Variants in ANKRD28 observed in about 807,000 individuals in gnomAD.
ANKRD28 encodes ankyrin repeat domain 28, also known as serine/threonine-protein phosphatase 6 regulatory ankyrin repeat subunit A.
Under a neutral mutation model 126.5 loss-of-function variants are expected in ANKRD28, and 44 were observed. The observed-to-expected ratio is 0.35, with a 90% CI of 0.27 to 0.45. The LOEUF is 0.45. ANKRD28 is among the 20% of genes least tolerant of loss of function. The probability of loss-of-function intolerance (pLI) is 1.00; values close to 1 mark genes in which losing one functional copy is unlikely to be tolerated. For synonymous variants in ANKRD28, 442 were observed against 468.5 expected (o/e 0.94, Z 0.73); for missense variants, 1,110 against 1,316.6 (o/e 0.84, Z 2.43).
At chr3:15,859,466 A>C (rs62243667) in exon 1 of ANKRD28, 825,942 of 1,425,918 alleles carry the variant, frequency 0.58, 240,749 homozygotes, top group Admixed American at 0.63. Context: ...GCCGCCGCCG[A>C]CCGGCCCACT....
At chr3:15,768,810 A>C (rs1417220948) in intron 2 of ANKRD28, among the ~76,000 whole-genome samples, 3 of 152,346 alleles carry the variant, frequency 2.0e-5, no homozygotes, top group African/African-American at 7.2e-5. Flanking sequence ...CAATAATGTT[A>C]AATTGTTCAG....
intron 1 of ANKRD28, among the ~76,000 whole-genome samples, chr3:15,821,336 T>C (rs1401022979): frequency 6.6e-6 from 1 of 152,230 alleles, no homozygotes; most frequent in East Asian, 1.9e-4. Flanking sequence ...ATGGTATTTT[T>C]CTCTATGTTA....
At chr3:15,831,250 T>C (rs1242788551) in intron 1 of ANKRD28, among the ~76,000 whole-genome samples, 1 of 152,192 alleles carries the variant, frequency 6.6e-6, no homozygotes, top group Non-Finnish European at 1.5e-5. Flanking sequence ...CCTGAGTATA[T>C]ATAACAAAAG....
rs2060849557 is a variant in ANKRD28, at chr3:15,817,192, A to G, written c.28-21886T>C. 6.6e-6 allele frequency among the ~76,000 whole-genome samples: 1 copy of G among 152,194 alleles called. No homozygotes were observed. Among genetic ancestry groups the G allele is most frequent in the Admixed American group, 6.5e-5 (1 of 15,276 alleles). ...TCTACGATTTTCCTTAACATGTAAC[A>G]GTGATGAACAATTTCTCACGCACAA... On this transcript the variant is annotated intron_variant, in intron 1 of 27. Coordinates refer to the ANKRD28 transcript ENST00000399451. This position sits in a 1 kb window ranked among gnomAD's most constrained non-coding sequence, Gnocchi z 4.5.
At position 15,817,716 on chromosome 3, in the gene ANKRD28, G is replaced by A. The variant is rs960708352; in HGVS notation, c.28-22410C>T. On this transcript the variant is annotated intron_variant, in intron 1 of 27. Coordinates refer to the ANKRD28 transcript ENST00000399451. This position sits in a 1 kb window ranked among gnomAD's most constrained non-coding sequence, Gnocchi z 4.5. ...GAAACCACTAATTTCTTCCTAAGAT[G>A]AGATACAAGCAAGAATGCCTGCTCT... Among the ~76,000 whole-genome samples the A allele has an allele frequency of 2.0e-5, 3 of 152,252 alleles. No individual in the cohort carries two copies. The highest frequency in any genetic ancestry group is 4.1e-4 in the South Asian group (2 of 4,822).
chr3:15,740,143 T>C (rs1331283328), intron 4 of ANKRD28, among the ~76,000 whole-genome samples: 1 of 152,226 alleles, frequency 6.6e-6, no homozygotes, highest in African/African-American at 2.4e-5. Flanking sequence ...CAAGAATACA[T>C]ATTGTATGAT....
chr3:15,713,460 GA>G, intron 10 of ANKRD28, 66 bp downstream of exon 10: 1 of 1,223,258 alleles, frequency 8.2e-7, no homozygotes, highest in Non-Finnish European at 1.2e-6. Context: ...GAAATGTCTA[GA>G]AAACTGCAGT....
At chr3:15,739,798 G>GCA (rs1470009101) in intron 4 of ANKRD28, among the ~76,000 whole-genome samples, 1 of 152,184 alleles carries the variant, frequency 6.6e-6, no homozygotes, top group Non-Finnish European at 1.5e-5. Flanking sequence ...ATGGGAAATA[G>GCA]CACCAGTACT....
chr3:15,746,415 T>C (rs1474921698), intron 4 of ANKRD28, among the ~76,000 whole-genome samples: 1 of 152,226 alleles, frequency 6.6e-6, no homozygotes, highest in Non-Finnish European at 1.5e-5. Flanking sequence ...GTTTTAATCA[T>C]AAAAGGATGC....
chr3:15,714,595 T>G lies in ANKRD28; in HGVS notation c.1058A>C (p.Gln353Pro). 6.3e-7 allele frequency: 1 copy of G among 1,595,286 alleles called. No homozygotes were observed. Among genetic ancestry groups the G allele is most frequent in the Non-Finnish European group, 8.5e-7 (1 of 1,174,348 alleles). ...TALHGRFSRS[Q>P]TIIQSGAVID... Reference sequence around the variant, plus strand: ...CTTTTTACCACTCTGGATAATGGTTTGTGATCGGGAGAATCTACCGTGGAG... The same window carrying G: ...CTTTTTACCACTCTGGATAATGGTTGGTGATCGGGAGAATCTACCGTGGAG... Residue 353 changes from glutamine to proline, a missense_variant, in exon 9 of 28, where the codon CAA becomes CCA. Gln to Pro is a moderately conservative substitution (Grantham distance 76, BLOSUM62 -1). Coordinates refer to ENST00000683139, the MANE Select transcript of ANKRD28 (RefSeq NM_001349278.2).
At chr3:15,782,618 G>A (rs73817113) in intron 2 of ANKRD28, among the ~76,000 whole-genome samples, 2 of 152,178 alleles carry the variant, frequency 1.3e-5, no homozygotes, top group African/African-American at 4.8e-5. Flanking sequence ...CATACTGAGT[G>A]TTCAGGGAAA....
chr3:15,775,865 A>G (rs1329765103), intron 2 of ANKRD28, among the ~76,000 whole-genome samples: 3 of 152,184 alleles, frequency 2.0e-5, no homozygotes, highest in African/African-American at 2.4e-5. Context: ...GACTGATTAA[A>G]TAACTGGCTA....
chr3:15,766,983 T>C (rs961918742), intron 2 of ANKRD28, among the ~76,000 whole-genome samples: 4 of 152,162 alleles, frequency 2.6e-5, no homozygotes, highest in East Asian at 1.9e-4. Context: ...ACAGTACCCT[T>C]AGGGGCAAAA....
Position 15,833,696 on chromosome 3 carries a change from A to C in ANKRD28, c.27+25681T>G, listed in dbSNP as rs1054324975. Reference sequence around the variant, plus strand: ...GACTCATATAAGATGGTTTTAACCCATTTATGCTGGAAGCTGCAATTATGA... The same window carrying C: ...GACTCATATAAGATGGTTTTAACCCCTTTATGCTGGAAGCTGCAATTATGA... On this transcript the variant is annotated intron_variant, in intron 1 of 27. Transcript: ENST00000399451. This position sits in a 1 kb window ranked among gnomAD's most constrained non-coding sequence, Gnocchi z 4.4. Among the ~76,000 whole-genome samples the C allele has an allele frequency of 2.0e-5, 3 of 151,870 alleles. No homozygotes were observed. The highest frequency in any genetic ancestry group is 7.3e-5 in the African/African-American group (3 of 41,358).
chr3:15,798,317 T>C (rs141227809), upstream of ANKRD28: 124 of 218,870 alleles, frequency 5.7e-4, no homozygotes, highest in African/African-American at 2.8e-3. Flanking sequence ...GGTTTAAAGA[T>C]GGAGAAATAT....
chr3:15,829,041 T>C (rs930180731), intron 1 of ANKRD28, among the ~76,000 whole-genome samples: 1 of 152,216 alleles, frequency 6.6e-6, no homozygotes, highest in East Asian at 1.9e-4. Flanking sequence ...AGGCTGTTTT[T>C]AAAATTTTTG....
chr3:15,840,521 C>T (rs1254875538), intron 1 of ANKRD28, among the ~76,000 whole-genome samples: 2 of 151,792 alleles, frequency 1.3e-5, no homozygotes, highest in Non-Finnish European at 2.9e-5. Flanking sequence ...ACATTCTTCA[C>T]AGAAATAGAA....
chr3:15,850,786 TTC>T (rs2061636112), intron 1 of ANKRD28, among the ~76,000 whole-genome samples: 1 of 152,148 alleles, frequency 6.6e-6, no homozygotes, highest in Non-Finnish European at 1.5e-5. Context: ...TTTCCCTGAG[TTC>T]TGTGAACTGC....
In ANKRD28 at chr3:15,812,921, C is replaced by CG. The variant is rs142941776; in HGVS notation, c.28-17616dup. Among the ~76,000 whole-genome samples, 1,158 of 152,180 alleles carry CG rather than the reference C, an allele frequency of 7.6e-3. 11 individuals carry two copies. Among genetic ancestry groups the CG allele is most frequent in the African/African-American group, 0.019 (779 of 41,504 alleles). ...AGGAACATGAATCCTGAATGTGACC[C>CG]GATTCACTCCAATTTGAAGAAAACA... is the stretch of plus-strand genomic sequence containing the variant. On this transcript the variant is annotated intron_variant, in intron 1 of 27. Transcript: ENST00000399451. This position sits in a 1 kb window ranked among gnomAD's most constrained non-coding sequence, Gnocchi z 4.1.
Sources: allele counts gnomAD v4.1 joint callset (sites outside exome capture counted in the v4.1 genomes callset), GRCh38; gene constraint gnomAD v4.1.1; non-coding constraint Gnocchi (gnomAD v3.1); transcripts MANE v1.5; gene names NCBI Gene and HGNC (gene_info 2026-07-23, HGNC 2026-07-21).